The following PCNT variants were observed in gnomAD, a reference collection of about 807,000 sequenced individuals.
PCNT encodes the protein kendrin.
A neutral mutation model predicts 380.4 loss-of-function variants in PCNT; 319 were observed. That is an observed-to-expected ratio of 0.84 (90% CI 0.77 to 0.92). The LOEUF (loss-of-function observed/expected upper bound fraction) is 0.92, where lower values mean the gene tolerates loss of function less well. Among genes scored for constraint, PCNT ranks in the 40% least tolerant of loss-of-function variants. The probability of loss-of-function intolerance (pLI) is 0.00; values close to 1 mark genes in which losing one functional copy is unlikely to be tolerated. For missense variants in PCNT, 4,400 were observed against 4,255.3 expected (o/e 1.03, Z -0.95); for synonymous variants, 1,845 against 1,735.2 (o/e 1.06, Z -1.57).
At chr21:46,372,334 C>A (rs1466748382) in intron 15 of PCNT, among the ~76,000 whole-genome samples, 2 of 151,998 alleles carry the variant, frequency 1.3e-5, no homozygotes, top group Admixed American at 1.3e-4. Context: ...ACAACACGTG[C>A]ACACACATGC....
At chr21:46,374,849 C>CAA (rs760273140) in intron 15 of PCNT, among the ~76,000 whole-genome samples, 14,045 of 84,922 alleles carry the variant, frequency 0.17, 1,921 homozygotes, top group African/African-American at 0.38. Context: ...AACTTCGTCT[C>CAA]AAAAAAAAAA....
chr21:46,354,923 G>C (rs759151419), intron 11 of PCNT, among the ~76,000 whole-genome samples: 1 of 152,198 alleles, frequency 6.6e-6, no homozygotes, highest in Non-Finnish European at 1.5e-5. Context: ...ACCTTCCCAC[G>C]AGCAGGCCTT....
Position 46,416,202 on chromosome 21 carries a change from A to C in PCNT, c.6284A>C (p.Lys2095Thr). The C allele has an allele frequency of 1.2e-6, 2 of 1,614,158 alleles. No homozygotes were observed. Among genetic ancestry groups the C allele is most frequent in the Non-Finnish European group, 1.7e-6 (2 of 1,180,026 alleles). ...TFQNVDAADTKSLWPMASAHL... is the reference protein window; with the variant it reads ...TFQNVDAADTTSLWPMASAHL... ...CAGAATGTGGATGCTGCCGACACCA[A>C]ATCTCTGTGGCCCATGGCCTCAGCA... is the stretch of plus-strand genomic sequence containing the variant. Residue 2095 changes from lysine (K) to threonine (T), a missense_variant, in exon 30 of 47, where the codon AAA (lysine) becomes ACA (threonine). Coordinates refer to ENST00000359568, the MANE Select transcript of PCNT (RefSeq NM_006031.6).
At chr21:46,397,644 T>C (rs1202253932) in intron 22 of PCNT, 150 bp downstream of exon 22, 1 of 706,936 alleles carries the variant, frequency 1.4e-6, no homozygotes, top group African/African-American at 1.8e-5. Flanking sequence ...GGTCGCTGAC[T>C]CTTGGTGGGT....
In PCNT at chr21:46,384,187, GTGT is replaced by G. The variant is rs1289361611; in HGVS notation, c.3313-1641_3313-1639del. Among the ~76,000 whole-genome samples, 5 of 144,068 alleles carry G rather than the reference GTGT, an allele frequency of 3.5e-5. 1 individual carries two copies. Among genetic ancestry groups the G allele is most frequent in the Non-Finnish European group, 7.6e-5 (5 of 65,778 alleles). 94.5% of individuals were successfully genotyped at this position (144,068 alleles called of 152,430 possible). A position where few individuals can be genotyped will look rare whatever the true frequency, so the allele number is the denominator to read the frequency against. ...ATTCAGCAGCGGAAGCGCATTCACG[GTGT>G]TGTGCGTTCAGTGGCAGAAGCGCAT... On this transcript the variant is annotated intron_variant, in intron 16 of 46. Transcript: ENST00000359568.
Position 46,440,127 on chromosome 21 carries a change from G to C in PCNT, c.9318G>C (p.Gln3106His). 6.2e-7 allele frequency: 1 copy of C among 1,614,158 alleles called. No individual in the cohort carries two copies. The highest frequency in any genetic ancestry group is 8.5e-7 in the Non-Finnish European group (1 of 1,180,032). ...SAWKPDETAP[Q>H]SSLRRPDPGR... ...GGAAGCCAGACGAAACGGCTCCACA[G>C]AGTTCCCTGAGGCGCCCAGACCCCG... Residue 3106 changes from glutamine (Q) to histidine (H), a missense_variant, in exon 42 of 47, where the codon CAG (glutamine) becomes CAC (histidine). Coordinates refer to ENST00000359568, the MANE Select transcript of PCNT (RefSeq NM_006031.6).
At chr21:46,347,086 G>A in intron 5 of PCNT, 88 bp downstream of exon 5, 1 of 1,489,176 alleles carries the variant, frequency 6.7e-7, no homozygotes, top group African/African-American at 1.4e-5. Flanking sequence ...GGGAGCTGGG[G>A]CGCCCTAGCA....
intron 42 of PCNT, among the ~76,000 whole-genome samples, chr21:46,440,587 G>GA (rs2053582291): frequency 1.3e-5 from 2 of 152,354 alleles, no homozygotes; most frequent in South Asian, 4.1e-4. Flanking sequence ...CCTAAGGGGT[G>GA]AAATGCAAGA....
intron 31 of PCNT, among the ~76,000 whole-genome samples, chr21:46,418,783 C>T (rs2087130057): frequency 6.6e-6 from 1 of 152,254 alleles, no homozygotes; most frequent in African/African-American, 2.4e-5. Flanking sequence ...GGTTTCGGGG[C>T]ACCGGCCCTG....
chr21:46,374,376 C>T (rs957144594), intron 15 of PCNT, among the ~76,000 whole-genome samples: 1 of 152,196 alleles, frequency 6.6e-6, no homozygotes, highest in African/African-American at 2.4e-5. Flanking sequence ...GCCCACGTGC[C>T]AGTCTCTTCT....
chr21:46,400,223 G>A (rs888419556), intron 25 of PCNT, among the ~76,000 whole-genome samples: 1 of 152,138 alleles, frequency 6.6e-6, no homozygotes, highest in Non-Finnish European at 1.5e-5. Context: ...TGCATTGCTG[G>A]TGTTTGCCGT....
chr21:46,365,861 C>G (rs1263707041), intron 14 of PCNT, among the ~76,000 whole-genome samples: 1 of 114,716 alleles, frequency 8.7e-6, no homozygotes, highest in Non-Finnish European at 1.6e-5. Context: ...GTTCTGTTCA[C>G]TGCCGTGGGG....
At chr21:46,366,406 A>G (rs2084930156) in intron 14 of PCNT, among the ~76,000 whole-genome samples, 178 bp from the exon 15 acceptor site, 1 of 149,678 alleles carries the variant, frequency 6.7e-6, no homozygotes, top group Non-Finnish European at 1.5e-5. Context: ...GGGCCTCTTC[A>G]CTCTCCCACT....
At chr21:46,440,533 GT>G (rs969194503) in intron 42 of PCNT, among the ~76,000 whole-genome samples, 6 of 152,226 alleles carry the variant, frequency 3.9e-5, no homozygotes, top group African/African-American at 1.4e-4. Flanking sequence ...ATGGCACACG[GT>G]CCCCACCCCG....
rs977979199 is a variant in PCNT, at chr21:46,412,926, G to A, written c.6084G>A (p.Arg2028=). The part of the protein sequence containing the change: ...GVMSVLTVCQ[R]QLQSELLLVK... ...TGTCAGTGCTCACCGTCTGCCAGAG[G>A]CAGCTGCAGTCGGAGCTGCTCTTGG... The change falls in exon 29 of 47, where the codon AGG becomes AGA. Residue 2028 remains arginine, a synonymous_variant. Transcript: ENST00000359568. 1 of 1,612,526 alleles carries A rather than the reference G, an allele frequency of 6.2e-7. No homozygotes were observed. The highest frequency in any genetic ancestry group is 8.5e-7 in the Non-Finnish European group (1 of 1,180,020).
rs1157589063 is a variant in PCNT, at chr21:46,324,296, GCTT to G, written c.54+20_54+22del. 5 of 1,601,108 alleles carry G rather than the reference GCTT, an allele frequency of 3.1e-6. No homozygotes were observed. The highest frequency in any genetic ancestry group is 1.7e-5 in the Admixed American group (1 of 58,962). On this transcript the variant is annotated intron_variant, in intron 1 of 46. Transcript: ENST00000359568. ...GGGAGGACGAAGGTAAACATTAGGGGCTTCTTCTCTAGCTGCTCTGGCGTGAAG... is the reference window on the plus strand; with the variant it reads ...GGGAGGACGAAGGTAAACATTAGGGGCTTCTCTAGCTGCTCTGGCGTGAAG...
At chr21:46,415,108 G>C (rs973577135) in intron 29 of PCNT, among the ~76,000 whole-genome samples, 1 of 152,346 alleles carries the variant, frequency 6.6e-6, no homozygotes, top group Admixed American at 6.5e-5. Context: ...TCGCTGGGAC[G>C]TTTCTTGCAT....
intron 24 of PCNT, among the ~76,000 whole-genome samples, chr21:46,398,688 G>T (rs1486479201): frequency 6.6e-6 from 1 of 152,190 alleles, no homozygotes; most frequent in South Asian, 2.1e-4. Context: ...TGGGTGAAGC[G>T]TGCCTGTCAT....
intron 27 of PCNT, among the ~76,000 whole-genome samples, chr21:46,403,288 A>G (rs1280739284): frequency 1.5e-3 from 146 of 96,550 alleles, no homozygotes; most frequent in African/African-American, 2.1e-3. Flanking sequence ...GTGCCCACGC[A>G]GCGCGTGCTC....
Sources: allele counts gnomAD v4.1 joint callset (sites outside exome capture counted in the v4.1 genomes callset), GRCh38; gene constraint gnomAD v4.1.1; transcripts MANE v1.5; gene names NCBI Gene and HGNC (gene_info 2026-07-23, HGNC 2026-07-21).